Variants in PALB2 observed in about 807,000 individuals in gnomAD.
PALB2 encodes the protein mutant partner and localizer of BRCA2.
PALB2 carries 82 observed loss-of-function variants against 107.4 expected under a neutral mutation model. That is an observed-to-expected ratio of 0.76 (90% CI 0.64 to 0.92). The LOEUF (loss-of-function observed/expected upper bound fraction) is 0.92, where lower values mean the gene tolerates loss of function less well. Ranked by LOEUF, PALB2 falls within the 40% of genes least tolerant of loss-of-function variation. The pLI is 0.00. For synonymous variants in PALB2, 489 were observed against 496.8 expected (o/e 0.98, Z 0.21); for missense variants, 1,374 against 1,379.9 (o/e 1.00, Z 0.07).
Position 23,629,641 on chromosome 16 carries a change from T to A in PALB2, c.2513A>T (p.Gln838Leu). The A allele has an allele frequency of 6.2e-7, 1 of 1,613,764 alleles. No individual in the cohort carries two copies. The highest frequency in any genetic ancestry group is 8.5e-7 in the Non-Finnish European group (1 of 1,179,752). ...TTTCACAGAGGAAATGGATTGTACCTGTTCGACGGAATGTTTATGCAGCTC... is the reference window on the plus strand; with the variant it reads ...TTTCACAGAGGAAATGGATTGTACCAGTTCGACGGAATGTTTATGCAGCTC... ...CQELHKHSVE[Q>L]TETAELPASD... The change falls in exon 5 of 13, where the codon CAG (glutamine) becomes CTG (leucine). Residue 838 changes from glutamine to leucine, a missense_variant and splice_region_variant. Physicochemically the swap from Gln to Leu is moderately radical, Grantham distance 113. Coordinates refer to ENST00000261584, the MANE Select transcript of PALB2 (RefSeq NM_024675.4).
rs370422990 is a variant in PALB2 at position 23,630,455 on chromosome 16, G to T, written c.1699C>A (p.His567Asn). Residue 567 changes from histidine to asparagine, a missense_variant, in exon 5 of 13, where the codon CAT becomes AAT. His to Asn is a moderately conservative substitution (Grantham distance 68). Transcript: ENST00000261584. ...CAAGAAAGGGAATCCTCTTTTTGAT[G>T]ACGACTTTTCTTCCCTAAAGAAGAA... ...FIQVKGKKSR[H>N]QKEDSLSWSN... 1.2e-6 allele frequency: 2 copies of T among 1,612,308 alleles called. No individual in the cohort carries two copies. The highest frequency in any genetic ancestry group is 1.7e-6 in the Non-Finnish European group (2 of 1,178,978).
In PALB2 at chr16:23,635,228, AC is replaced by A. The variant is rs515726067; in HGVS notation, c.1317del (p.Phe440LeufsTer12). On this transcript the variant is annotated frameshift_variant, in exon 4 of 13. Transcript: ENST00000261584. LOFTEE classifies it high-confidence loss of function. ...IQSHLDVKKKGFKNKNKDASK... is the reference protein window; with the variant it reads ...IQSHLDVKKKXFKNKNKDASK... ...CTTGCATCCTTATTTTTATTTTTAA[AC>A]CCTTTTTTCTTGACATCCAAATGAC... The A allele has an allele frequency of 8.7e-6, 14 of 1,613,766 alleles. No individual in the cohort carries two copies. Among genetic ancestry groups the A allele is most frequent in the Non-Finnish European group, 1.2e-5 (14 of 1,179,986 alleles).
chr16:23,611,499 C>G (rs1171164213), intron 11 of PALB2, among the ~76,000 whole-genome samples: 1 of 150,858 alleles, frequency 6.6e-6, no homozygotes, highest in Non-Finnish European at 1.5e-5. Context: ...GCTCTTGTCA[C>G]TCAGGCTGGA....
At chr16:23,630,931 G>A (rs1966870788) in intron 4 of PALB2, among the ~76,000 whole-genome samples, 1 of 151,526 alleles carries the variant, frequency 6.6e-6, no homozygotes, top group African/African-American at 2.4e-5. Flanking sequence ...GCAACACAGT[G>A]AGACTGTCTT....
At chr16:23,640,978 C>T (rs1213147928) in intron 1 of PALB2, 132 bp downstream of exon 1, 8 of 1,002,896 alleles carry the variant, frequency 8.0e-6, no homozygotes, top group Non-Finnish European at 1.2e-5. Context: ...TTCTGTGCCC[C>T]CTCAGCCCTA....
rs1966917768 is a variant in PALB2, at chr16:23,633,852, T to C, written c.1684+1010A>G. 2.0e-5 allele frequency among the ~76,000 whole-genome samples: 3 copies of C among 151,980 alleles called. No individual in the cohort carries two copies. In the South Asian group the frequency reaches 6.2e-4, roughly 32 times the overall value. On this transcript the variant is annotated intron_variant, in intron 4 of 12. Transcript: ENST00000261584. ...TCAAGTAGCTGAAACCACAGGCATATACCACCACACCTGGCTAATTTTTCT... is the reference window on the plus strand; with the variant it reads ...TCAAGTAGCTGAAACCACAGGCATACACCACCACACCTGGCTAATTTTTCT...
At chr16:23,608,303 C>A (rs1195267744) in intron 11 of PALB2, among the ~76,000 whole-genome samples, 2 of 152,114 alleles carry the variant, frequency 1.3e-5, no homozygotes, top group East Asian at 3.9e-4. Context: ...GATCCTCCCA[C>A]CTCAGCCTCC....
Position 23,603,582 on chromosome 16 carries a change from C to T in PALB2, c.3438G>A (p.Gln1146=), listed in dbSNP as rs771827859. The change falls in exon 13 of 13, where the codon CAG becomes CAA. Residue 1146 remains glutamine (Q), a synonymous_variant. Transcript: ENST00000261584. ...AGACAGGTGGGAGGAGGGCAGTACACTGACCGAGAAGTAAGTCCCAAATGG... is the reference window on the plus strand; with the variant it reads ...AGACAGGTGGGAGGAGGGCAGTACATTGACCGAGAAGTAAGTCCCAAATGG... ...TIAIWDLLLG[Q]CTALLPPVSD... is the part of the protein sequence containing the mutation. 3 of 1,614,146 alleles carry T rather than the reference C, an allele frequency of 1.9e-6. No homozygotes were observed. Among genetic ancestry groups the T allele is most frequent in the Non-Finnish European group, 2.5e-6 (3 of 1,180,028 alleles).
chr16:23,606,179 A>C (rs558784169), intron 12 of PALB2, among the ~76,000 whole-genome samples: 3 of 152,188 alleles, frequency 2.0e-5, no homozygotes, highest in African/African-American at 7.2e-5. Context: ...CTTCAAATCC[A>C]AGGAAGCAAG....
intron 6 of PALB2, among the ~76,000 whole-genome samples, chr16:23,628,586 A>G (rs1452434993): frequency 6.6e-6 from 1 of 152,198 alleles, no homozygotes; most frequent in Admixed American, 6.5e-5. Context: ...ACACCATTTG[A>G]GTAGGAGAGG....
intron 1 of PALB2, chr16:23,640,247 C>T: frequency 5.3e-6 from 1 of 187,330 alleles, no homozygotes; most frequent in Non-Finnish European, 1.1e-5. Context: ...AATGATCTTT[C>T]TCACCTCCAC....
Position 23,625,478 on chromosome 16 carries a change from C to T in PALB2, c.2748+758G>A, listed in dbSNP as rs920719064. ...CCCAGGAGTTCAAGACCAGCCCAGG[C>T]GACATGGCAAAACCCTGTCTGCATA... On this transcript the variant is annotated intron_variant, in intron 7 of 12. Transcript: ENST00000261584. 3.9e-5 allele frequency among the ~76,000 whole-genome samples: 6 copies of T among 152,012 alleles called. 1 individual carries two copies. The highest frequency in any genetic ancestry group is 1.3e-4 in the Admixed American group (2 of 15,250).
In PALB2 at chr16:23,623,034, T is replaced by A. The variant is rs2142335769; in HGVS notation, c.2931A>T (p.Leu977=). The A allele has an allele frequency of 6.2e-7, 1 of 1,614,118 alleles. No homozygotes were observed. The highest frequency in any genetic ancestry group is 8.5e-7 in the Non-Finnish European group (1 of 1,180,008). The change falls in exon 9 of 13, where the codon CTA becomes CTT. Residue 977 remains leucine (L), a synonymous_variant. Transcript: ENST00000261584. The part of the protein sequence containing the change: ...KAVLGLTKRR[L]VSSSGTLSDQ... The stretch of plus-strand genomic sequence containing the variant: ...CAGAAAGGGTCCCACTGCTACTAAC[T>A]AGCCTCCTCTTTGTCAGGCCAAGCA...
intron 6 of PALB2, among the ~76,000 whole-genome samples, chr16:23,627,998 C>T (rs12598466): frequency 1.3e-5 from 2 of 152,302 alleles, no homozygotes; most frequent in African/African-American, 4.8e-5. Flanking sequence ...CCAAGGCAGG[C>T]GGATCCCCTG....
intron 6 of PALB2, 24 bp downstream of exon 6, chr16:23,629,180 A>G (rs2142367391): frequency 6.3e-7 from 1 of 1,575,846 alleles, no homozygotes. Flanking sequence ...GACACGAGAC[A>G]CTGGAAGAGA....
At chr16:23,640,507 AAAG>A (rs1364205637) in intron 1 of PALB2, 3 of 221,842 alleles carry the variant, frequency 1.4e-5, no homozygotes, top group Admixed American at 5.8e-5. Flanking sequence ...CTGTCTCAAA[AAAG>A]AAGAAAAACA....
In PALB2 at chr16:23,635,553, T is replaced by C. The variant is rs760362870; in HGVS notation, c.993A>G (p.Glu331=). 2 of 1,613,176 alleles carry C rather than the reference T, an allele frequency of 1.2e-6. No homozygotes were observed. Among genetic ancestry groups the C allele is most frequent in the Non-Finnish European group, 8.5e-7 (1 of 1,179,540 alleles). ...TTGCTGGTAAGTTATTGTAGGTGAG[T>C]TCATTTAGAGAACATGAAATATTTG... is the stretch of plus-strand genomic sequence containing the variant. ...LEANISCSLN[E]LTYNNLPANE... Residue 331 remains glutamate, a synonymous_variant, in exon 4 of 13, where the codon GAA becomes GAG. Transcript: ENST00000261584.
At chr16:23,640,580 A>T (rs1967201221) in intron 1 of PALB2, 1 of 232,562 alleles carries the variant, frequency 4.3e-6, no homozygotes, top group Non-Finnish European at 8.5e-6. Context: ...TACTGTCTAG[A>T]ACTTAAAAAA....
chr16:23,623,393 G>A (rs573075555), intron 8 of PALB2, among the ~76,000 whole-genome samples: 4 of 150,800 alleles, frequency 2.7e-5, no homozygotes, highest in Non-Finnish European at 5.9e-5. Flanking sequence ...TTGTAGAGAC[G>A]GGGTTTCACC....
Sources: allele counts gnomAD v4.1 joint callset (sites outside exome capture counted in the v4.1 genomes callset), GRCh38; gene constraint gnomAD v4.1.1; transcripts MANE v1.5; gene names NCBI Gene and HGNC (gene_info 2026-07-23, HGNC 2026-07-21).